Variants in ZMAT5 observed in about 807,000 individuals in gnomAD.
ZMAT5 encodes the protein zinc finger matrin-type 5.
A neutral mutation model predicts 28.0 loss-of-function variants in ZMAT5; 23 were observed. The observed-to-expected ratio is 0.82, with a 90% confidence interval of 0.59 to 1.16. ZMAT5 has a LOEUF of 1.16. ZMAT5 is among the 50% of genes most tolerant of loss of function. The pLI, the probability that ZMAT5 is intolerant of heterozygous loss-of-function variation, is 0.00. For missense variants in ZMAT5, 173 were observed against 212.7 expected, an observed-to-expected ratio of 0.81 and a Z score of 1.16; for synonymous variants, 76 against 84.1, an observed-to-expected ratio of 0.90 and a Z score of 0.52.
chr22:29,757,459 C>G (rs993759821), intron 1 of ZMAT5, among the ~76,000 whole-genome samples: 2 of 152,206 alleles, frequency 1.3e-5, no homozygotes, highest in African/African-American at 4.8e-5. Flanking sequence ...TGAGCTTCAT[C>G]TGGAAGACGA....
At chr22:29,747,756 T>C (rs1200632908) in intron 2 of ZMAT5, 3 of 162,564 alleles carry the variant, frequency 1.8e-5, no homozygotes, top group African/African-American at 7.2e-5. Flanking sequence ...ACCCCAATTG[T>C]TCTTGCTCTG....
At chr22:29,732,164 C>T (rs1178580247) in intron 5 of ZMAT5, among the ~76,000 whole-genome samples, 1 of 152,226 alleles carries the variant, frequency 6.6e-6, no homozygotes, top group African/African-American at 2.4e-5. Context: ...TGGCCTTGGG[C>T]CCCACGCATG....
At chr22:29,759,991 A>AAGGTGGGTG (rs2068140667) in intron 1 of ZMAT5, among the ~76,000 whole-genome samples, 2 of 152,148 alleles carry the variant, frequency 1.3e-5, no homozygotes, top group Non-Finnish European at 2.9e-5. Context: ...GCCTGAGCTC[A>AAGGTGGGTG]GGAGTTTGAG....
At chr22:29,738,228 G>T in intron 5 of ZMAT5, 102 bp downstream of exon 5, 4 of 1,161,856 alleles carry the variant, frequency 3.4e-6, no homozygotes, top group Non-Finnish European at 5.0e-6. Flanking sequence ...CGGCCCCTGG[G>T]CCTGGGCAGT....
At chr22:29,738,475 G>T in intron 4 of ZMAT5, 34 bp from the exon 5 acceptor site, 1 of 1,575,656 alleles carries the variant, frequency 6.3e-7, no homozygotes. Context: ...CAAGTGAGGG[G>T]TACACTCCTG....
At chr22:29,760,583 G>C (rs1229554306) in intron 1 of ZMAT5, among the ~76,000 whole-genome samples, 5 of 152,118 alleles carry the variant, frequency 3.3e-5, no homozygotes, top group Non-Finnish European at 2.9e-5. Flanking sequence ...CAGAAATCCT[G>C]ATTTAGCAGA....
intron 5 of ZMAT5, among the ~76,000 whole-genome samples, chr22:29,733,585 A>T (rs927370277): frequency 6.6e-6 from 1 of 151,820 alleles, no homozygotes; most frequent in African/African-American, 2.4e-5. Flanking sequence ...GATTTCATAA[A>T]CTCCACCAGC....
intron 5 of ZMAT5, among the ~76,000 whole-genome samples, chr22:29,735,119 A>AG (rs1465725132): frequency 6.6e-6 from 1 of 152,026 alleles, no homozygotes; most frequent in Non-Finnish European, 1.5e-5. Flanking sequence ...TAAGCAGGGT[A>AG]GGGGGTGTGG....
At chr22:29,743,282 C>T (rs1192268033) in intron 2 of ZMAT5, among the ~76,000 whole-genome samples, 2 of 152,216 alleles carry the variant, frequency 1.3e-5, no homozygotes, top group African/African-American at 2.4e-5. Flanking sequence ...ACTGCAATCC[C>T]TGGCCTCTGT....
intron 1 of ZMAT5, among the ~76,000 whole-genome samples, chr22:29,763,501 C>G (rs1195319889): frequency 6.6e-6 from 1 of 151,226 alleles, no homozygotes; most frequent in Non-Finnish European, 1.5e-5. Flanking sequence ...ACTCAGGAGG[C>G]TGAGGCAGGA....
chr22:29,741,857 T>C (rs1201619297), intron 3 of ZMAT5, among the ~76,000 whole-genome samples: 1 of 152,276 alleles, frequency 6.6e-6, no homozygotes, highest in East Asian at 1.9e-4. Flanking sequence ...TCTCGCTATG[T>C]TGCCCAGGCT....
At chr22:29,740,020 C>T (rs2067946645) in intron 4 of ZMAT5, among the ~76,000 whole-genome samples, 1 of 152,230 alleles carries the variant, frequency 6.6e-6, no homozygotes, top group Non-Finnish European at 1.5e-5. Context: ...CCCCAACCTG[C>T]TGGGGGGCTC....
intron 2 of ZMAT5, among the ~76,000 whole-genome samples, chr22:29,745,496 G>A (rs538464917): frequency 8.9e-4 from 136 of 152,324 alleles, no homozygotes; most frequent in African/African-American, 3.2e-3. Flanking sequence ...CCTGGGAGCC[G>A]CGGACATGCT....
intron 1 of ZMAT5, among the ~76,000 whole-genome samples, chr22:29,755,063 A>G (rs770977620): frequency 2.6e-5 from 4 of 152,052 alleles, no homozygotes; most frequent in Admixed American, 2.0e-4. Context: ...TGGGAGGCCA[A>G]GGTGGGTGGA....
At chr22:29,744,151 C>T (rs1391051901) in intron 2 of ZMAT5, among the ~76,000 whole-genome samples, 3 of 152,216 alleles carry the variant, frequency 2.0e-5, no homozygotes, top group Admixed American at 1.3e-4. Context: ...ATGAGAATCA[C>T]TAGGAAAGTG....
At chr22:29,744,614 G>A (rs551613650) in intron 2 of ZMAT5, among the ~76,000 whole-genome samples, 1 of 152,314 alleles carries the variant, frequency 6.6e-6, no homozygotes, top group Admixed American at 6.5e-5. Flanking sequence ...GAGGCAGGCG[G>A]CGGGACTGAG....
intron 1 of ZMAT5, among the ~76,000 whole-genome samples, chr22:29,759,173 A>C (rs927702008): frequency 3.3e-5 from 5 of 152,208 alleles, no homozygotes; most frequent in African/African-American, 9.6e-5. Flanking sequence ...AGGTCCCAAG[A>C]GGCCAGAGTT....
intron 1 of ZMAT5, chr22:29,758,964 G>A (rs780947447): frequency 6.6e-5 from 10 of 152,198 alleles, no homozygotes; most frequent in Non-Finnish European, 1.0e-4. Flanking sequence ...TGGTTCACTC[G>A]GATGAACCAG....
rs144399126 is a variant in ZMAT5, at chr22:29,747,479, T to C, written c.127+939A>G. 593 of 152,534 alleles carry C rather than the reference T, an allele frequency of 3.9e-3. 2 individuals carry two copies. The highest frequency in any genetic ancestry group is 7.9e-3 in the Admixed American group (121 of 15,304). 9.4% of individuals were successfully genotyped at this position (152,534 alleles called of 1,614,324 possible). Reference sequence around the variant, plus strand: ...TTGGCTGCTGGATTTGGTTCCTTCTTCGGAGGCCCTGTCCCAGAATCCTGC... The same window carrying C: ...TTGGCTGCTGGATTTGGTTCCTTCTCCGGAGGCCCTGTCCCAGAATCCTGC... On this transcript the variant is annotated intron_variant, in intron 2 of 5. Coordinates refer to ENST00000344318, the MANE Select transcript of ZMAT5 (RefSeq NM_001003692.2).
Sources: allele counts gnomAD v4.1 joint callset (sites outside exome capture counted in the v4.1 genomes callset), GRCh38; gene constraint gnomAD v4.1.1; transcripts MANE v1.5; gene names NCBI Gene and HGNC (gene_info 2026-07-23, HGNC 2026-07-21).